Variants in UPF1 observed in about 807,000 individuals in gnomAD.
UPF1 encodes UPF1 RNA helicase and ATPase, also known as regulator of nonsense transcripts 1.
In UPF1, 9 loss-of-function variants were observed where a neutral mutation model predicts 129.2. The observed-to-expected ratio is 0.07, with a 90% CI of 0.04 to 0.12. UPF1 has a LOEUF of 0.12. Among genes scored for constraint, UPF1 ranks in the 10% least tolerant of loss-of-function variants. The pLI is 1.00. For synonymous variants in UPF1, 649 were observed against 644.9 expected (o/e 1.01, Z -0.10); for missense variants, 788 against 1,525.3 (o/e 0.52, Z 8.05).
chr19:18,841,698 A>C (rs144029220), intron 1 of UPF1, among the ~76,000 whole-genome samples: 33 of 152,216 alleles, frequency 2.2e-4, no homozygotes, highest in Middle Eastern at 3.4e-3. Context: ...AGTGGATTTC[A>C]TCTCAGGCTG....
Position 18,863,557 on chromosome 19 carries a change from G to A in UPF1, c.2720G>A (p.Arg907His), listed in dbSNP as rs764609118. ...GTGGAGGGGCCGCTCAACAACCTGC[G>A]TGAGAGCCTCATGCAGTTCAGCAAG... The part of the protein sequence containing the change: ...VLVEGPLNNL[R>H]ESLMQFSKPR... Residue 907 changes from arginine (R) to histidine (H), a missense_variant, in exon 19 of 24, where the codon CGT (arginine) becomes CAT (histidine). By Grantham distance (29) the Arg-to-His change is conservative (BLOSUM62 0). This residue lies in a region of UPF1 where 218 missense variants were observed against 318.1 expected (regional missense o/e 0.69). Transcript: ENST00000262803. 3.0e-5 allele frequency: 49 copies of A among 1,613,688 alleles called. No homozygotes were observed. The highest frequency in any genetic ancestry group is 4.1e-5 in the Non-Finnish European group (48 of 1,179,902).
chr19:18,838,355 G>T (rs1410324001), intron 1 of UPF1, among the ~76,000 whole-genome samples: 1 of 151,658 alleles, frequency 6.6e-6, no homozygotes, highest in East Asian at 1.9e-4. Context: ...TTAATAAAAA[G>T]AAGAAAATCC....
chr19:18,843,998 A>G (rs2055570880), intron 1 of UPF1, among the ~76,000 whole-genome samples: 1 of 151,854 alleles, frequency 6.6e-6, no homozygotes, highest in Non-Finnish European at 1.5e-5. Flanking sequence ...GATCCTCCCA[A>G]AGTGTTGGGA....
chr19:18,855,465 G>T, intron 11 of UPF1: 1 of 609,154 alleles, frequency 1.6e-6, no homozygotes, highest in East Asian at 2.8e-5. Flanking sequence ...AGAAAACTGG[G>T]GGCAGGGGGG....
At chr19:18,836,747 CCA>C (rs1276753262) in intron 1 of UPF1, among the ~76,000 whole-genome samples, 2 of 151,500 alleles carry the variant, frequency 1.3e-5, no homozygotes, top group Non-Finnish European at 2.9e-5. Flanking sequence ...CACTATCCAC[CCA>C]TTTTTTTTTT....
At chr19:18,845,207 G>T (rs891806594) in intron 1 of UPF1, among the ~76,000 whole-genome samples, 1 of 152,246 alleles carries the variant, frequency 6.6e-6, no homozygotes, top group Non-Finnish European at 1.5e-5. Context: ...GTTCTGCCAT[G>T]ACACAGTGCT....
At chr19:18,860,155 C>G (rs538736755) in intron 15 of UPF1, 166 bp from the exon 16 acceptor site, 78 of 713,454 alleles carry the variant, frequency 1.1e-4, no homozygotes, top group Non-Finnish European at 1.8e-4. Flanking sequence ...CTGGGCATCT[C>G]TGGCCAGGGG....
At chr19:18,864,410 G>A (rs879417542) in intron 20 of UPF1, among the ~76,000 whole-genome samples, 159 bp downstream of exon 20, 4 of 152,188 alleles carry the variant, frequency 2.6e-5, no homozygotes, top group Non-Finnish European at 5.9e-5. Flanking sequence ...CTCTAGCCCC[G>A]GAACACTCCT....
intron 2 of UPF1, 127 bp from the exon 3 acceptor site, chr19:18,847,617 G>C: frequency 1.2e-6 from 1 of 807,872 alleles, no homozygotes; most frequent in South Asian, 1.6e-5. Flanking sequence ...TACTGGGATT[G>C]TTGGGGTTGA....
intron 18 of UPF1, among the ~76,000 whole-genome samples, chr19:18,862,740 G>A (rs2145969914): frequency 6.6e-6 from 1 of 152,254 alleles, no homozygotes; most frequent in Non-Finnish European, 1.5e-5. Flanking sequence ...GCTGAAACAG[G>A]AGAATCGCTT....
In UPF1 at chr19:18,865,549, GCTGT is replaced by G. The variant is rs763685110; in HGVS notation, c.3020-9_3020-6del. Reference sequence around the variant, plus strand: ...GGCCTCCTTCGGATCACCCTGGACTGCTGTCTTTCAGGGCGAGGCACCCCGAAAG... The same window carrying G: ...GGCCTCCTTCGGATCACCCTGGACTGCTTTCAGGGCGAGGCACCCCGAAAG... On this transcript the variant is annotated splice_region_variant and splice_polypyrimidine_tract_variant and intron_variant, in intron 21 of 23. Transcript: ENST00000262803. The surrounding 1 kb of genome is among the most constrained non-coding windows in gnomAD (Gnocchi z 6.1). 3 of 1,613,874 alleles carry G rather than the reference GCTGT, an allele frequency of 1.9e-6. No individual in the cohort carries two copies. Among genetic ancestry groups the G allele is most frequent in the Non-Finnish European group, 2.5e-6 (3 of 1,180,046 alleles).
intron 1 of UPF1, among the ~76,000 whole-genome samples, chr19:18,837,845 AGTT>A: frequency 6.6e-6 from 1 of 152,326 alleles, no homozygotes; most frequent in East Asian, 1.9e-4. Context: ...TGAGTGCATG[AGTT>A]GTTTCCCTAG....
chr19:18,857,361 G>A lies in UPF1; in HGVS notation c.2010G>A (p.Val670=). 3.1e-6 allele frequency: 5 copies of A among 1,613,370 alleles called. No individual in the cohort carries two copies. The highest frequency in any genetic ancestry group is 4.2e-6 in the Non-Finnish European group (5 of 1,180,034). The stretch of plus-strand genomic sequence containing the variant: ...ACCACTGCCAGCTGGGCCCAGTGGT[G>A]ATGTGCAAGAAGGCGGCCAAGGCCG... The part of the protein sequence containing the change: ...VGDHCQLGPV[V]MCKKAAKAGL... The change falls in exon 15 of 24, where the codon GTG becomes GTA. Residue 670 remains valine (V), a synonymous_variant. Coordinates refer to ENST00000262803, the MANE Select transcript of UPF1 (RefSeq NM_002911.4).
Position 18,846,020 on chromosome 19 carries a change from A to T in UPF1, c.272A>T (p.Asp91Val). 1 of 1,614,184 alleles carries T rather than the reference A, an allele frequency of 6.2e-7. No individual in the cohort carries two copies. Among genetic ancestry groups the T allele is most frequent in the Non-Finnish European group, 8.5e-7 (1 of 1,180,034 alleles). ...EGILQNGAVD[D>V]SVAKTSQLLA... ...ATCCTGCAGAACGGGGCTGTGGACG[A>T]CAGTGTAGCCAAGACCAGCCAGTTG... The change falls in exon 2 of 24, where the codon GAC (aspartate) becomes GTC (valine). Residue 91 changes from aspartate to valine, a missense_variant. Asp to Val is a radical substitution (Grantham distance 152). Transcript: ENST00000262803.
intron 1 of UPF1, among the ~76,000 whole-genome samples, chr19:18,845,676 G>T (rs140097677): frequency 1.4e-3 from 214 of 152,240 alleles, no homozygotes; most frequent in African/African-American, 5.0e-3. Flanking sequence ...TGCTCCTTGT[G>T]GTCCTCAGTC....
At position 18,865,837 on chromosome 19, in the gene UPF1, C is replaced by T. The variant is rs1043438080; in HGVS notation, c.3237+59C>T. 24 of 1,603,174 alleles carry T rather than the reference C, an allele frequency of 1.5e-5. No individual in the cohort carries two copies. The highest frequency in any genetic ancestry group is 4.0e-5 in the African/African-American group (3 of 74,806). On this transcript the variant is annotated intron_variant, in intron 22 of 23. Transcript: ENST00000262803. This position sits in a 1 kb window ranked among gnomAD's most constrained non-coding sequence, Gnocchi z 6.1. ...TGAGGGTGGGGCTATGCACCTGAAA[C>T]ATTCCCTCTGAAGAGCCCCAGAGAG...
Position 18,857,037 on chromosome 19 carries a change from G to C in UPF1, c.1968+17G>C. 6.3e-7 allele frequency: 1 copy of C among 1,599,832 alleles called. No individual in the cohort carries two copies. Among genetic ancestry groups the C allele is most frequent in the African/African-American group, 1.3e-5 (1 of 74,474 alleles). ...GCCAAGCAGGTGGGCTGCCTCCCCTGCCCTCCTGTGTGAAAACTCGTGTGT... is the reference window on the plus strand; with the variant it reads ...GCCAAGCAGGTGGGCTGCCTCCCCTCCCCTCCTGTGTGAAAACTCGTGTGT... On this transcript the variant is annotated intron_variant, in intron 14 of 23. Transcript: ENST00000262803.
At chr19:18,846,418 TAGAA>T (rs892306652) in intron 2 of UPF1, among the ~76,000 whole-genome samples, 3 of 151,908 alleles carry the variant, frequency 2.0e-5, no homozygotes, top group South Asian at 2.1e-4. Flanking sequence ...CACTCACTCA[TAGAA>T]AGAATTTGTC....
intron 1 of UPF1, among the ~76,000 whole-genome samples, chr19:18,843,992 C>T (rs947417493): frequency 2.6e-5 from 4 of 152,116 alleles, no homozygotes; most frequent in African/African-American, 4.8e-5. Context: ...TCAAGCGATC[C>T]TCCCAAAGTG....
Sources: gnomAD v4.1 joint callset for allele counts (sites outside exome capture counted in the v4.1 genomes callset) on GRCh38, gnomAD v4.1.1 for gene constraint, gnomAD v4.1.1 regional missense constraint, Gnocchi (gnomAD v3.1) non-coding constraint, MANE v1.5 for transcripts, NCBI Gene and HGNC (gene_info 2026-07-23, HGNC 2026-07-21) for gene names.